PDS5B: variants seen among roughly 807,000 people sequenced by gnomAD.
PDS5B encodes the protein PDS5 cohesin associated factor B, also known as sister chromatid cohesion protein PDS5 homolog B.
PDS5B carries 51 observed loss-of-function variants against 184.1 expected under a neutral mutation model. That is an observed-to-expected ratio of 0.28 (90% confidence interval 0.22 to 0.35). PDS5B has a LOEUF of 0.35. Ranked by LOEUF, PDS5B falls within the 10% of genes least tolerant of loss-of-function variation. The pLI, the probability that PDS5B is intolerant of heterozygous loss-of-function variation, is 1.00. For missense variants in PDS5B, 1,180 were observed against 1,723.3 expected, an observed-to-expected ratio of 0.68 and a Z score of 5.58; for synonymous variants, 566 against 569.2, an observed-to-expected ratio of 0.99 and a Z score of 0.08.
At chr13:32,744,735 T>C (rs1355883669) in intron 23 of PDS5B, among the ~76,000 whole-genome samples, 1 of 152,188 alleles carries the variant, frequency 6.6e-6, no homozygotes, top group African/African-American at 2.4e-5. Context: ...TTGTTGTTGA[T>C]GGGATGAGAC....
At chr13:32,608,463 C>T (rs1347611651) in intron 1 of PDS5B, among the ~76,000 whole-genome samples, 1 of 152,074 alleles carries the variant, frequency 6.6e-6, no homozygotes, top group African/African-American at 2.4e-5. Flanking sequence ...AGATTTATTA[C>T]AGTGATTGAT....
intron 1 of PDS5B, among the ~76,000 whole-genome samples, chr13:32,613,286 C>G (rs1250144443): frequency 6.6e-6 from 1 of 152,158 alleles, no homozygotes; most frequent in Admixed American, 6.6e-5. Context: ...CATGGTAGTT[C>G]CATGTTTATC....
At chr13:32,773,351 G>A in intron 34 of PDS5B, 27 bp downstream of exon 34, 2 of 1,581,404 alleles carry the variant, frequency 1.3e-6, no homozygotes, top group South Asian at 2.3e-5. Context: ...TCTGTGAGTG[G>A]TGTGGGATAT....
intron 1 of PDS5B, among the ~76,000 whole-genome samples, chr13:32,599,887 C>T (rs1325072093): frequency 6.6e-6 from 1 of 152,100 alleles, no homozygotes; most frequent in Non-Finnish European, 1.5e-5. Context: ...TGTGCTCCAG[C>T]CTGGGTGACA....
intron 11 of PDS5B, among the ~76,000 whole-genome samples, chr13:32,684,980 G>A (rs766100147): frequency 2.6e-5 from 4 of 152,150 alleles, no homozygotes; most frequent in Non-Finnish European, 5.9e-5. Context: ...GGCTGTGGTG[G>A]CGGGCGCCTG....
chr13:32,775,095 A>AAATTTTT lies in PDS5B; in HGVS notation c.*43_*44insAATTTTT. On this transcript the variant is annotated 3_prime_UTR_variant, in exon 35 of 35. Coordinates refer to ENST00000315596, the MANE Select transcript of PDS5B (RefSeq NM_015032.4). ...CTTTCTCTGTGAAAGCTTTGGAAAA[A>AAATTTTT]TCTTTTTTTTTTTTTTTGGTCAAGC... 4.7e-5 allele frequency: 26 copies of AAATTTTT among 547,554 alleles called. No homozygotes were observed. The highest frequency in any genetic ancestry group is 6.2e-5 in the Non-Finnish European group (24 of 388,676). 33.9% of individuals were successfully genotyped at this position (547,554 alleles called of 1,614,324 possible). A position where few individuals can be genotyped will look rare whatever the true frequency, so the allele number is the denominator to read the frequency against.
intron 3 of PDS5B, among the ~76,000 whole-genome samples, chr13:32,657,901 C>T (rs1219407980): frequency 6.6e-6 from 1 of 152,082 alleles, no homozygotes; most frequent in Admixed American, 6.6e-5. Context: ...CTGATCAGCT[C>T]TCAGTCATTG....
intron 1 of PDS5B, among the ~76,000 whole-genome samples, chr13:32,623,633 G>T (rs978795383): frequency 2.6e-5 from 4 of 151,798 alleles, no homozygotes; most frequent in Admixed American, 2.6e-4. Flanking sequence ...CGCAAGGCAG[G>T]TTTCATACCC....
chr13:32,721,708 A>G (rs1481492432), intron 19 of PDS5B, among the ~76,000 whole-genome samples: 3 of 137,408 alleles, frequency 2.2e-5, no homozygotes, highest in Admixed American at 2.2e-4. Context: ...ACGCTCCTCA[A>G]TTCTTAGACA....
Position 32,770,494 on chromosome 13 carries a change from A to G in PDS5B, c.3998A>G (p.Gln1333Arg), listed in dbSNP as rs766697845. Residue 1333 changes from glutamine to arginine, a missense_variant, in exon 32 of 35, where the codon CAA becomes CGA. Coordinates refer to ENST00000315596, the MANE Select transcript of PDS5B (RefSeq NM_015032.4). ...APEEEEEEER[Q>R]SGNTEQKSKS... ...GAGGAGGAGGAAGAAGAAGAAAGAC[A>G]AAGTGGAAATACGGAACAGAAGTCC... The G allele has an allele frequency of 1.2e-5, 20 of 1,611,808 alleles. No individual in the cohort carries two copies. The highest frequency in any genetic ancestry group is 3.4e-5 in the Admixed American group (2 of 59,508).
intron 1 of PDS5B, among the ~76,000 whole-genome samples, chr13:32,610,095 G>A (rs2058118649): frequency 6.6e-6 from 1 of 152,086 alleles, no homozygotes. Flanking sequence ...ATGAAGAGAT[G>A]GTAGAGTATA....
chr13:32,764,539 C>T lies in PDS5B; in HGVS notation c.3569C>T (p.Ser1190Phe), dbSNP rs770612427. The change falls in exon 31 of 35, where the codon TCT (serine) becomes TTT (phenylalanine). Residue 1190 changes from serine to phenylalanine, a missense_variant. Around this residue, in one of 11 missense-constraint regions of PDS5B, gnomAD observed 465 missense variants for 497.8 expected, o/e 0.93. Transcript: ENST00000315596. The stretch of plus-strand genomic sequence containing the variant: ...AGTGAAAATGAAGATTACACAATGT[C>T]TTCACCTTTGCCGGGGAAAAAAAGT... Reference protein sequence around the residue: ...DHSENEDYTMSSPLPGKKSDK... With the variant: ...DHSENEDYTMFSPLPGKKSDK... 5.6e-6 allele frequency: 9 copies of T among 1,607,366 alleles called. No homozygotes were observed. The highest frequency in any genetic ancestry group is 7.7e-6 in the Non-Finnish European group (9 of 1,176,346).
intron 11 of PDS5B, among the ~76,000 whole-genome samples, chr13:32,686,598 A>G (rs1439372352): frequency 6.6e-6 from 1 of 152,156 alleles, no homozygotes; most frequent in Non-Finnish European, 1.5e-5. Flanking sequence ...AGCCTGGGCA[A>G]CATAGACCCT....
chr13:32,608,449 T>C (rs904875904), intron 1 of PDS5B, among the ~76,000 whole-genome samples: 1 of 152,164 alleles, frequency 6.6e-6, no homozygotes, highest in Non-Finnish European at 1.5e-5. Flanking sequence ...TTATTGTGTT[T>C]AAGAGATTTA....
At chr13:32,642,317 C>T (rs2140628286) in intron 1 of PDS5B, among the ~76,000 whole-genome samples, 1 of 152,224 alleles carries the variant, frequency 6.6e-6, no homozygotes, top group South Asian at 2.1e-4. Context: ...CAGATAGATG[C>T]TAGCATAAAT....
intron 8 of PDS5B, among the ~76,000 whole-genome samples, 153 bp from the exon 9 acceptor site, chr13:32,675,691 G>A (rs1951045874): frequency 6.6e-6 from 1 of 152,188 alleles, no homozygotes; most frequent in African/African-American, 2.4e-5. Flanking sequence ...TTTGTGAAAA[G>A]TATAGTGAGC....
chr13:32,722,734 G>C (rs1291324027), intron 19 of PDS5B, among the ~76,000 whole-genome samples: 1 of 152,220 alleles, frequency 6.6e-6, no homozygotes, highest in African/African-American at 2.4e-5. Flanking sequence ...CAAATTGGTG[G>C]AAGCAGCTAC....
chr13:32,747,107 T>C (rs1401167750), intron 24 of PDS5B, among the ~76,000 whole-genome samples: 2 of 152,208 alleles, frequency 1.3e-5, no homozygotes, highest in Non-Finnish European at 2.9e-5. Context: ...TATTACAGTT[T>C]TATGGATTTC....
chr13:32,713,948 G>T (rs1047356741), intron 19 of PDS5B, among the ~76,000 whole-genome samples: 13 of 152,166 alleles, frequency 8.5e-5, no homozygotes, highest in Admixed American at 5.9e-4. Context: ...CTAAGCGGCG[G>T]CCGGCTTGAG....
Sources: allele counts gnomAD v4.1 joint callset (sites outside exome capture counted in the v4.1 genomes callset), GRCh38; gene constraint gnomAD v4.1.1; regional missense constraint gnomAD v4.1.1; transcripts MANE v1.5; gene names NCBI Gene and HGNC (gene_info 2026-07-23, HGNC 2026-07-21).